Variants in GALNT13 observed in about 807,000 individuals in gnomAD.
GALNT13 encodes the protein polypeptide N-acetylgalactosaminyltransferase 13.
In GALNT13, 28 loss-of-function variants were observed where a neutral mutation model predicts 64.2. The ratio of observed to expected loss-of-function variants is 0.44; its 90% CI spans 0.32 to 0.60. The LOEUF is 0.60. Among genes scored for constraint, GALNT13 ranks in the 20% least tolerant of loss-of-function variants. GALNT13 has a pLI of 0.05. For synonymous variants in GALNT13, 214 were observed against 224.6 expected (o/e 0.95, Z 0.42); for missense variants, 577 against 669.8 (o/e 0.86, Z 1.53).
At chr2:154,080,282 T>A (rs1176066146) in intron 3 of GALNT13, among the ~76,000 whole-genome samples, 1 of 150,970 alleles carries the variant, frequency 6.6e-6, no homozygotes, top group Admixed American at 6.7e-5. Context: ...GTTGATCAAA[T>A]AAAGCTATGG....
chr2:153,470,066 G>A, the GALNT13 span, among the ~76,000 whole-genome samples: 1 of 152,104 alleles, frequency 6.6e-6, no homozygotes, highest in Admixed American at 6.5e-5. Context: ...AGAATAAATA[G>A]CTTTAAAAGA....
the GALNT13 span, among the ~76,000 whole-genome samples, chr2:153,504,249 G>A: frequency 6.6e-6 from 1 of 152,160 alleles, no homozygotes; most frequent in Non-Finnish European, 1.5e-5. Context: ...CTGAAACTTT[G>A]CTGAATTCAT....
At chr2:153,388,322 G>C in the GALNT13 span, among the ~76,000 whole-genome samples, 68 of 152,044 alleles carry the variant, frequency 4.5e-4, no homozygotes, top group African/African-American at 1.6e-3. Context: ...TTAATTATGA[G>C]AGGCTATGTG....
At chr2:153,578,549 C>A in the GALNT13 span, among the ~76,000 whole-genome samples, 1 of 151,960 alleles carries the variant, frequency 6.6e-6, no homozygotes, top group Non-Finnish European at 1.5e-5. Context: ...GACTGTAGAC[C>A]CATCAAAAGG....
At chr2:153,140,013 C>G in the GALNT13 span, among the ~76,000 whole-genome samples, 1 of 151,946 alleles carries the variant, frequency 6.6e-6, no homozygotes, top group Non-Finnish European at 1.5e-5. Flanking sequence ...TATTCTCCCA[C>G]CAGCCCTTAA....
chr2:154,224,495 A>G (rs1688485292), intron 4 of GALNT13, among the ~76,000 whole-genome samples: 1 of 152,092 alleles, frequency 6.6e-6, no homozygotes. Flanking sequence ...AAAGAAAAAA[A>G]GCTACAAGGG....
intron 8 of GALNT13, among the ~76,000 whole-genome samples, chr2:154,299,638 T>C (rs1320834727): frequency 7.0e-6 from 1 of 143,878 alleles, no homozygotes; most frequent in African/African-American, 2.6e-5. Flanking sequence ...TTTTTTTTTC[T>C]ATTTTTAGTA....
the GALNT13 span, among the ~76,000 whole-genome samples, chr2:153,661,631 A>G: frequency 6.6e-6 from 1 of 152,196 alleles, no homozygotes; most frequent in Admixed American, 6.6e-5. Flanking sequence ...ATATATGGCC[A>G]CTTCTATAAT....
the GALNT13 span, among the ~76,000 whole-genome samples, chr2:153,566,348 G>GTTTTGTTTTT: frequency 2.3e-3 from 170 of 74,786 alleles, 1 homozygote; most frequent in African/African-American, 5.0e-3. Flanking sequence ...TTCTAATCAC[G>GTTTTGTTTTT]TTTTTTTTTT....
the GALNT13 span, among the ~76,000 whole-genome samples, chr2:153,694,588 G>A: frequency 6.6e-6 from 1 of 152,166 alleles, no homozygotes; most frequent in Non-Finnish European, 1.5e-5. Flanking sequence ...AATCAGAATA[G>A]TGTTTACCTT....
At chr2:154,256,369 G>A (rs997574930) in intron 7 of GALNT13, among the ~76,000 whole-genome samples, 1 of 152,164 alleles carries the variant, frequency 6.6e-6, no homozygotes, top group African/African-American at 2.4e-5. Context: ...ATTGGAAGAA[G>A]GGAAGAAGAA....
chr2:154,273,632 A>C (rs1301374991), intron 8 of GALNT13, among the ~76,000 whole-genome samples: 1 of 152,180 alleles, frequency 6.6e-6, no homozygotes, highest in African/African-American at 2.4e-5. Flanking sequence ...AGATATTTTT[A>C]GATACACAAA....
chr2:154,377,285 T>C (rs1698043563), intron 9 of GALNT13, among the ~76,000 whole-genome samples: 1 of 99,076 alleles, frequency 1.0e-5, no homozygotes, highest in East Asian at 3.2e-4. Context: ...GTTCTGTTCA[T>C]TGTCTTTTTT....
At chr2:154,233,213 T>C (rs1394759055) in intron 4 of GALNT13, among the ~76,000 whole-genome samples, 2 of 152,228 alleles carry the variant, frequency 1.3e-5, no homozygotes, top group East Asian at 1.9e-4. Context: ...TTAGTAGTCA[T>C]AGAAAGGAGA....
chr2:153,985,487 T>C (rs186225593), intron 3 of GALNT13, among the ~76,000 whole-genome samples: 1 of 152,042 alleles, frequency 6.6e-6, no homozygotes, highest in African/African-American at 2.4e-5. Context: ...TTCCTTTTCA[T>C]AGGACTGTGA....
At chr2:154,358,665 C>T (rs1054748050) in intron 9 of GALNT13, among the ~76,000 whole-genome samples, 1 of 151,950 alleles carries the variant, frequency 6.6e-6, no homozygotes, top group Non-Finnish European at 1.5e-5. Context: ...ATAAGTCTTA[C>T]TGTTTTTCAA....
At chr2:153,566,348 G>GTTTTTTTTTTTTTTTTTTT in the GALNT13 span, among the ~76,000 whole-genome samples, 70 of 74,790 alleles carry the variant, frequency 9.4e-4, 6 homozygotes, top group East Asian at 2.4e-3. Context: ...TTCTAATCAC[G>GTTTTTTTTTTTTTTTTTTT]TTTTTTTTTT....
the GALNT13 span, among the ~76,000 whole-genome samples, chr2:153,669,133 A>T: frequency 6.6e-6 from 1 of 152,122 alleles, no homozygotes; most frequent in Non-Finnish European, 1.5e-5. Flanking sequence ...GCCATGCCTG[A>T]CCGTCAGAGA....
chr2:153,462,374 A>G, the GALNT13 span, among the ~76,000 whole-genome samples: 2 of 152,126 alleles, frequency 1.3e-5, no homozygotes, highest in African/African-American at 2.4e-5. Context: ...TTTTAAATAA[A>G]AAGAATATTG....
Sources: gnomAD v4.1 joint callset for allele counts (sites outside exome capture counted in the v4.1 genomes callset) on GRCh38, gnomAD v4.1.1 for gene constraint, MANE v1.5 for transcripts, NCBI Gene and HGNC (gene_info 2026-07-23, HGNC 2026-07-21) for gene names.